CRACR2A: variants seen among roughly 807,000 people sequenced by gnomAD.
The protein encoded by CRACR2A is EF-hand calcium-binding domain-containing protein 4B.
CRACR2A carries 79 observed loss-of-function variants against 90.5 expected under a neutral mutation model. The ratio of observed to expected loss-of-function variants is 0.87; its 90% CI spans 0.73 to 1.05. The LOEUF (loss-of-function observed/expected upper bound fraction) is 1.05, where lower values mean the gene tolerates loss of function less well. Ranked by LOEUF, CRACR2A falls within the 50% of genes least tolerant of loss-of-function variation. The pLI, the probability that CRACR2A is intolerant of heterozygous loss-of-function variation, is 0.00. For missense variants in CRACR2A, 823 were observed against 897.2 expected, an observed-to-expected ratio of 0.92 and a Z score of 1.06; for synonymous variants, 338 against 356.7, an observed-to-expected ratio of 0.95 and a Z score of 0.59.
In CRACR2A at chr12:3,696,959, C is replaced by A; in HGVS notation, c.41G>T (p.Arg14Ile). The A allele has an allele frequency of 1.2e-6, 2 of 1,614,076 alleles. No individual in the cohort carries two copies. The highest frequency in any genetic ancestry group is 1.7e-6 in the Non-Finnish European group (2 of 1,179,980). Residue 14 changes from arginine to isoleucine, a missense_variant, in exon 4 of 20, where the codon AGA (arginine) becomes ATA (isoleucine). Transcript: ENST00000440314. ...PDGRVVSRPQ[R>I]LGQGSGQGPK... ...CCCCTGGCCAGACCCCTGACCAAGT[C>A]TCTGGGGTCTGGAGACTACCCTCCC...
At position 3,661,441 on chromosome 12, in the gene CRACR2A, C is replaced by A. The variant is rs143204714; in HGVS notation, c.672-1787G>T. The stretch of plus-strand genomic sequence containing the variant: ...GCAAGAGATGACAGTCCTCCCAGAC[C>A]TCCACAAGCTGGGACCCCGTCTTCA... On this transcript the variant is annotated intron_variant, in intron 7 of 19. Transcript: ENST00000440314. 8.9e-4 allele frequency among the ~76,000 whole-genome samples: 136 copies of A among 152,320 alleles called. 1 individual carries two copies. The highest frequency in any genetic ancestry group is 3.2e-3 in the African/African-American group (134 of 41,576).
intron 2 of CRACR2A, among the ~76,000 whole-genome samples, chr12:3,720,321 GAGAC>G (rs1190227982): frequency 6.0e-5 from 8 of 134,210 alleles, no homozygotes; most frequent in Admixed American, 4.8e-4. Context: ...GAAAGAAAGA[GAGAC>G]AGAAAGAAAA....
At chr12:3,642,711 G>C (rs1944596196) in intron 12 of CRACR2A, among the ~76,000 whole-genome samples, 1 of 152,206 alleles carries the variant, frequency 6.6e-6, no homozygotes, top group Non-Finnish European at 1.5e-5. Context: ...GGTGGAAGTA[G>C]GCTGGGTGTA....
chr12:3,738,184 T>G (rs544411390), intron 1 of CRACR2A, among the ~76,000 whole-genome samples: 5 of 152,358 alleles, frequency 3.3e-5, no homozygotes, highest in African/African-American at 1.2e-4. Context: ...TCTATTTTCA[T>G]CATTATGGCA....
chr12:3,652,645 C>A (rs1944814475), intron 10 of CRACR2A, among the ~76,000 whole-genome samples: 1 of 152,158 alleles, frequency 6.6e-6, no homozygotes, highest in Non-Finnish European at 1.5e-5. Flanking sequence ...AGAGTGAGCA[C>A]CTTCACTTTT....
At chr12:3,644,288 T>G (rs1311856752) in intron 12 of CRACR2A, among the ~76,000 whole-genome samples, 1 of 152,044 alleles carries the variant, frequency 6.6e-6, no homozygotes, top group African/African-American at 2.4e-5. Context: ...GAAGTGATAA[T>G]GACATTTCAA....
intron 2 of CRACR2A, among the ~76,000 whole-genome samples, chr12:3,720,200 A>T (rs1591710174): frequency 1.2e-5 from 1 of 82,048 alleles, no homozygotes; most frequent in African/African-American, 4.9e-5. Flanking sequence ...AGGGGGAGGG[A>T]GGGAGGGAGA....
At chr12:3,663,064 CA>C (rs1565480073) in intron 7 of CRACR2A, among the ~76,000 whole-genome samples, 1 of 152,104 alleles carries the variant, frequency 6.6e-6, no homozygotes, top group Non-Finnish European at 1.5e-5. Context: ...GATCATTTAA[CA>C]ATTAATCTTA....
chr12:3,647,167 C>A (rs555282227), intron 11 of CRACR2A, among the ~76,000 whole-genome samples: 1 of 148,744 alleles, frequency 6.7e-6, no homozygotes, highest in East Asian at 2.0e-4. Context: ...CGTCCCACCC[C>A]TACCCTCCCC....
intron 11 of CRACR2A, among the ~76,000 whole-genome samples, chr12:3,646,136 T>C (rs957336082): frequency 6.6e-6 from 1 of 151,576 alleles, no homozygotes; most frequent in African/African-American, 2.4e-5. Context: ...AAAGGAGGAG[T>C]CTTTTTTCCA....
intron 7 of CRACR2A, among the ~76,000 whole-genome samples, chr12:3,664,879 C>T (rs146666656): frequency 1.9e-4 from 29 of 152,254 alleles, no homozygotes; most frequent in African/African-American, 6.5e-4. Context: ...TGGTGGTACA[C>T]GTCTGTAGCC....
At chr12:3,752,341 C>CACACACACAG (rs1308880844) in intron 1 of CRACR2A, among the ~76,000 whole-genome samples, 1 of 91,078 alleles carries the variant, frequency 1.1e-5, no homozygotes, top group African/African-American at 4.5e-5. Context: ...CACACGGACA[C>CACACACACAG]ACACACACAC....
intron 7 of CRACR2A, among the ~76,000 whole-genome samples, chr12:3,669,430 C>T (rs1457004986): frequency 1.3e-5 from 2 of 152,242 alleles, no homozygotes; most frequent in African/African-American, 4.8e-5. Context: ...CACATCTGCA[C>T]TGTGAATGCT....
chr12:3,695,282 CAG>C lies in CRACR2A; in HGVS notation c.228+1488_228+1489del, dbSNP rs745576699. On this transcript the variant is annotated intron_variant, in intron 4 of 19. Coordinates refer to ENST00000440314, the MANE Select transcript of CRACR2A (RefSeq NM_001144958.2). ...GAATGCCAATTATGAAGTTCACAGACAGGGGTTTGTCAAAGGTTTCCTCAAAA... is the reference window on the plus strand; with the variant it reads ...GAATGCCAATTATGAAGTTCACAGACGGGTTTGTCAAAGGTTTCCTCAAAA... Among the ~76,000 whole-genome samples, 11 of 152,310 alleles carry C rather than the reference CAG, an allele frequency of 7.2e-5. 1 individual carries two copies. The South Asian group carries it at 2.3e-3, about 32-fold the overall frequency.
At chr12:3,721,737 G>A (rs1946180879) in intron 2 of CRACR2A, among the ~76,000 whole-genome samples, 1 of 152,172 alleles carries the variant, frequency 6.6e-6, no homozygotes, top group Non-Finnish European at 1.5e-5. Flanking sequence ...AAGACTAGAA[G>A]GAAATGTACC....
chr12:3,689,864 T>TG lies in CRACR2A; in HGVS notation c.228+6907dup, dbSNP rs564558476. Among the ~76,000 whole-genome samples the TG allele has an allele frequency of 2.5e-3, 377 of 152,144 alleles. 1 individual carries two copies. The highest frequency in any genetic ancestry group is 4.4e-3 in the Non-Finnish European group (297 of 68,000). ...TCTGTTCAGGGATTCAATTTCTTCC[T>TG]GGCTCAGTCTTGGAAGGGTGTATAT... On this transcript the variant is annotated intron_variant, in intron 4 of 19. Transcript: ENST00000440314.
chr12:3,651,380 T>C (rs531051829), intron 10 of CRACR2A, among the ~76,000 whole-genome samples: 1 of 152,388 alleles, frequency 6.6e-6, no homozygotes, highest in African/African-American at 2.4e-5. Flanking sequence ...GTGGATCTGA[T>C]GACTGCAGAT....
At chr12:3,646,318 C>G (rs1944687106) in intron 11 of CRACR2A, among the ~76,000 whole-genome samples, 1 of 152,156 alleles carries the variant, frequency 6.6e-6, no homozygotes, top group South Asian at 2.1e-4. Flanking sequence ...ACTCTTCTGG[C>G]CAGTGGCCTC....
At chr12:3,743,256 C>G (rs59022589) in intron 1 of CRACR2A, among the ~76,000 whole-genome samples, 1 of 152,096 alleles carries the variant, frequency 6.6e-6, no homozygotes, top group African/African-American at 2.4e-5. Context: ...TTTTACCTGG[C>G]AGTTCCTTTT....
Sources: allele counts gnomAD v4.1 joint callset (sites outside exome capture counted in the v4.1 genomes callset), GRCh38; gene constraint gnomAD v4.1.1; transcripts MANE v1.5; gene names NCBI Gene and HGNC (gene_info 2026-07-23, HGNC 2026-07-21).